Variants in GAK observed in about 807,000 individuals in gnomAD.
GAK encodes the protein cyclin G associated kinase.
GAK carries 79 observed loss-of-function variants against 143.9 expected under a neutral mutation model. The ratio of observed to expected loss-of-function variants is 0.55; its 90% confidence interval spans 0.46 to 0.66. The LOEUF (loss-of-function observed/expected upper bound fraction) is 0.66, where lower values mean the gene tolerates loss of function less well. Among genes scored for constraint, GAK ranks in the 30% least tolerant of loss-of-function variants. The probability of loss-of-function intolerance (pLI) is 0.00; values close to 1 mark genes in which losing one functional copy is unlikely to be tolerated. For missense variants in GAK, 1,693 were observed against 1,779.7 expected (o/e 0.95, Z 0.88); for synonymous variants, 881 against 765.5 (o/e 1.15, Z -2.49).
intron 5 of GAK, among the ~76,000 whole-genome samples, chr4:900,206 G>A (rs1719602708): frequency 1.3e-5 from 2 of 151,688 alleles, no homozygotes; most frequent in Admixed American, 6.6e-5. Context: ...GGCGAGTGGG[G>A]CCACCTGTGC....
chr4:882,900 G>A (rs1443806837), intron 13 of GAK, 81 bp from the exon 14 acceptor site: 12 of 1,550,782 alleles, frequency 7.7e-6, no homozygotes, highest in South Asian at 3.5e-5. Flanking sequence ...CAGCCTGCCT[G>A]CAGTGCGGGG....
At chr4:875,403 C>T (rs1308966668) in intron 18 of GAK, among the ~76,000 whole-genome samples, 3 of 152,266 alleles carry the variant, frequency 2.0e-5, no homozygotes, top group Non-Finnish European at 4.4e-5. Context: ...TCTCCCGGTG[C>T]AGGCCGTCCC....
rs1229023981 is a variant in GAK at position 870,189 on chromosome 4, A to G, written c.2248+522T>C. Among the ~76,000 whole-genome samples, 3 of 152,222 alleles carry G rather than the reference A, an allele frequency of 2.0e-5. No individual in the cohort carries two copies. The East Asian group carries it at 5.8e-4, about 29-fold the overall frequency. On this transcript the variant is annotated intron_variant, in intron 19 of 27. Coordinates refer to ENST00000314167, the MANE Select transcript of GAK (RefSeq NM_005255.4). ...TTCAGGGACGCTGAAGATGCTCAGA[A>G]AGAAAAAGCAAACACTGCAAACCAA...
chr4:908,916 T>C (rs1721548343), intron 4 of GAK, among the ~76,000 whole-genome samples: 1 of 152,200 alleles, frequency 6.6e-6, no homozygotes, highest in South Asian at 2.1e-4. Flanking sequence ...CTCGGCTCAC[T>C]GCAACCTCCA....
At position 911,771 on chromosome 4, in the gene GAK, T is replaced by A. The variant is rs1190160685; in HGVS notation, c.284A>T (p.His95Leu). Residue 95 changes from histidine to leucine, a missense_variant, in exon 4 of 28, where the codon CAC (histidine) becomes CTC (leucine). His to Leu is a moderately conservative substitution (Grantham distance 99). This residue lies in a region of GAK where 871 missense variants were observed against 991.0 expected (regional missense o/e 0.88). Transcript: ENST00000314167. The stretch of plus-strand genomic sequence containing the variant: ...AGAACAAAACTGGACAATGTTCGGG[T>A]GGCCGGAAAGCTTTTTCTGCAGTTG... Reference protein sequence around the residue: ...EVCFMKKLSGHPNIVQFCSAA... With the variant: ...EVCFMKKLSGLPNIVQFCSAA... The A allele has an allele frequency of 6.2e-7, 1 of 1,613,804 alleles. No individual in the cohort carries two copies. The highest frequency in any genetic ancestry group is 2.2e-5 in the East Asian group (1 of 44,886).
rs996021263 is a variant in GAK at position 890,479 on chromosome 4, C to T, written c.1081+53G>A. The T allele has an allele frequency of 9.6e-5, 134 of 1,394,070 alleles. No homozygotes were observed. In the Middle Eastern group the frequency reaches 1.3e-3, roughly 14 times the overall value. The allele number at this position is 1,394,070 out of a possible 1,614,324, so 86.4% of individuals were successfully genotyped here. A position where few individuals can be genotyped will look rare whatever the true frequency, so the allele number is the denominator to read the frequency against. On this transcript the variant is annotated intron_variant, in intron 10 of 27. Coordinates refer to ENST00000314167, the MANE Select transcript of GAK (RefSeq NM_005255.4). ...TCCATCCCAATGTGCTGCGGGTGCCCGGGGTGCAGCAGGAGCGAGGGACAG... is the reference window on the plus strand; with the variant it reads ...TCCATCCCAATGTGCTGCGGGTGCCTGGGGTGCAGCAGGAGCGAGGGACAG...
intron 18 of GAK, among the ~76,000 whole-genome samples, 188 bp downstream of exon 18, chr4:876,342 C>A (rs1713869712): frequency 6.6e-6 from 1 of 152,216 alleles, no homozygotes; most frequent in Non-Finnish European, 1.5e-5. Context: ...AGAGCAGCAG[C>A]CACCGGGTCC....
At position 849,578 on chromosome 4, in the gene GAK, C is replaced by T. The variant is rs1747687603; in HGVS notation, c.*95G>A. The T allele has an allele frequency of 5.2e-6, 5 of 952,794 alleles. No homozygotes were observed. The highest frequency in any genetic ancestry group is 8.2e-6 in the Non-Finnish European group (5 of 607,568). The allele number at this position is 952,794 out of a possible 1,614,324, so 59.0% of individuals were successfully genotyped here. A position where few individuals can be genotyped will look rare whatever the true frequency, so the allele number is the denominator to read the frequency against. On this transcript the variant is annotated 3_prime_UTR_variant, in exon 28 of 28. Transcript: ENST00000314167. ...GCTCGGAGCCCCACCCTGGCCACAC[C>T]TGCTGTCGCCCACGGGGTCCTCACG...
chr4:922,374 G>A lies in GAK; in HGVS notation c.146-8706C>T, dbSNP rs776763794. Among the ~76,000 whole-genome samples, 8 of 152,140 alleles carry A rather than the reference G, an allele frequency of 5.3e-5. No homozygotes were observed. The East Asian group carries it at 1.4e-3, about 26-fold the overall frequency. ...TACTAAAAATACAAAAATCAGCGGC[G>A]CATGGTGGTGGGCGCCTGTAGTCCC... On this transcript the variant is annotated intron_variant, in intron 1 of 27. Coordinates refer to ENST00000314167, the MANE Select transcript of GAK (RefSeq NM_005255.4).
chr4:854,402 G>A (rs1429790615), intron 24 of GAK, among the ~76,000 whole-genome samples: 1 of 152,198 alleles, frequency 6.6e-6, no homozygotes, highest in Non-Finnish European at 1.5e-5. Flanking sequence ...GAGCTCTGAA[G>A]TTGGGTCCAC....
In GAK at chr4:856,586, C is replaced by CAGGTGCT. The variant is rs1280605332; in HGVS notation, c.3283+3019_3283+3020insAGCACCT. Among the ~76,000 whole-genome samples, 167 of 150,418 alleles carry CAGGTGCT rather than the reference C, an allele frequency of 1.1e-3. 2 individuals carry two copies. The highest frequency in any genetic ancestry group is 4.4e-4 in the Non-Finnish European group (30 of 67,600). On this transcript the variant is annotated intron_variant, in intron 24 of 27. Transcript: ENST00000314167. Reference sequence around the variant, plus strand: ...AGCTGCTCACCACAGCTGCTCACCACCACAGGTGCTCACAGCTGCTCACCA... The same window carrying CAGGTGCT: ...AGCTGCTCACCACAGCTGCTCACCACAGGTGCTCACAGGTGCTCACAGCTGCTCACCA...
Position 867,235 on chromosome 4 carries a change from C to T in GAK, c.2593G>A (p.Val865Met), listed in dbSNP as rs765314673. The T allele has an allele frequency of 2.5e-6, 4 of 1,612,890 alleles. No homozygotes were observed. Among genetic ancestry groups the T allele is most frequent in the Non-Finnish European group, 3.4e-6 (4 of 1,179,702 alleles). The part of the protein sequence containing the change: ...GLVQQDLVFE[V>M]ETPAVLPEPV... ...TCTGGCAGCACAGCCGGTGTCTCCA[C>T]CTCAAAAACCAAGTCCTGCTGCACC... Residue 865 changes from valine (V) to methionine (M), a missense_variant, in exon 21 of 28, where the codon GTG becomes ATG. By Grantham distance (21) the Val-to-Met change is conservative (BLOSUM62 1). Coordinates refer to ENST00000314167, the MANE Select transcript of GAK (RefSeq NM_005255.4).
chr4:864,148 C>T (rs573600788), intron 23 of GAK, among the ~76,000 whole-genome samples: 66 of 152,258 alleles, frequency 4.3e-4, no homozygotes, highest in African/African-American at 1.5e-3. Context: ...CGCCTAAGCC[C>T]GGGAGTTCTA....
chr4:884,181 T>C, intron 11 of GAK, 95 bp from the exon 12 acceptor site: 1 of 1,099,518 alleles, frequency 9.1e-7, no homozygotes, highest in Non-Finnish European at 1.4e-6. Flanking sequence ...GGAGAAGCCG[T>C]GGGGCTCTCA....
At chr4:904,904 G>A (rs1202035020) in intron 4 of GAK, 125 bp from the exon 5 acceptor site, 7 of 888,484 alleles carry the variant, frequency 7.9e-6, no homozygotes, top group Non-Finnish European at 1.2e-5. Context: ...CCACACCTAA[G>A]TAACAAAACG....
chr4:906,224 C>T (rs1053946878), intron 4 of GAK, among the ~76,000 whole-genome samples: 6 of 152,242 alleles, frequency 3.9e-5, no homozygotes, highest in African/African-American at 1.4e-4. Context: ...GTCCTGGCAA[C>T]CGAGCCAGGC....
In GAK at chr4:932,293, A is replaced by G; in HGVS notation, c.-106T>C. The G allele has an allele frequency of 1.4e-6, 2 of 1,387,624 alleles. No homozygotes were observed. The highest frequency in any genetic ancestry group is 1.9e-6 in the Non-Finnish European group (2 of 1,078,822). 86.0% of individuals were successfully genotyped at this position (1,387,624 alleles called of 1,614,324 possible). A position where few individuals can be genotyped will look rare whatever the true frequency, so the allele number is the denominator to read the frequency against. ...GCAACCGCCGGCCCGGAGGTGCACC[A>G]TCTTCCGCCTCGACGCCGTGACGTA... On this transcript the variant is annotated 5_prime_UTR_variant, in exon 1 of 28. An upstream start codon of the reference 5' UTR is lost. Coordinates refer to ENST00000314167, the MANE Select transcript of GAK (RefSeq NM_005255.4). This position sits in a 1 kb window ranked among gnomAD's most constrained non-coding sequence, Gnocchi z 4.0.
intron 1 of GAK, chr4:915,392 C>T (rs1722960876): frequency 5.8e-6 from 1 of 172,614 alleles, no homozygotes; most frequent in South Asian, 1.2e-4. Flanking sequence ...AAATTCTAGA[C>T]AGACTGATCC....
chr4:909,415 G>A (rs1721638236), intron 4 of GAK, among the ~76,000 whole-genome samples: 1 of 152,144 alleles, frequency 6.6e-6, no homozygotes. Flanking sequence ...ACACACAGGA[G>A]CCTTGACGAG....
Sources: allele counts gnomAD v4.1 joint callset (sites outside exome capture counted in the v4.1 genomes callset), GRCh38; gene constraint gnomAD v4.1.1; regional missense constraint gnomAD v4.1.1; non-coding constraint Gnocchi (gnomAD v3.1); transcripts MANE v1.5; gene names NCBI Gene and HGNC (gene_info 2026-07-23, HGNC 2026-07-21).